The following ZNF385D variants were observed in gnomAD, a reference collection of about 807,000 sequenced individuals.
The protein encoded by ZNF385D is zinc finger protein 385D.
A neutral mutation model predicts 35.8 loss-of-function variants in ZNF385D; 15 were observed. That is an observed-to-expected ratio of 0.42 (90% CI 0.28 to 0.64). ZNF385D has a LOEUF of 0.64. Ranked by LOEUF, ZNF385D falls within the 30% of genes least tolerant of loss-of-function variation. ZNF385D has a pLI of 0.23. For missense variants in ZNF385D, 474 were observed against 494.6 expected (o/e 0.96, Z 0.39); for synonymous variants, 212 against 186.8 (o/e 1.13, Z -1.10).
intron 2 of ZNF385D, among the ~76,000 whole-genome samples, chr3:21,609,892 G>C (rs2064614067): frequency 6.6e-6 from 1 of 152,172 alleles, no homozygotes; most frequent in Non-Finnish European, 1.5e-5. Context: ...GGAAAAGAGA[G>C]TCCTGATGGG....
chr3:21,603,204 C>G (rs1179130567), intron 2 of ZNF385D, among the ~76,000 whole-genome samples: 1 of 152,174 alleles, frequency 6.6e-6, no homozygotes, highest in Non-Finnish European at 1.5e-5. Flanking sequence ...TGTGATTTAA[C>G]TAGGCTATTA....
intron 3 of ZNF385D, among the ~76,000 whole-genome samples, chr3:22,138,067 T>C (rs927418238): frequency 2.0e-5 from 3 of 152,142 alleles, no homozygotes; most frequent in Admixed American, 6.6e-5. Context: ...CCATTCACAG[T>C]TGCTTCAAAG....
chr3:22,273,726 A>G (rs905987993), intron 2 of ZNF385D, among the ~76,000 whole-genome samples: 2 of 152,082 alleles, frequency 1.3e-5, no homozygotes, highest in African/African-American at 4.8e-5. Context: ...AAACAGACAT[A>G]TTTACAGATC....
At chr3:22,107,500 A>G (rs929243016) in intron 3 of ZNF385D, among the ~76,000 whole-genome samples, 18 of 152,126 alleles carry the variant, frequency 1.2e-4, no homozygotes, top group African/African-American at 4.3e-4. Context: ...AGATTTTCTG[A>G]TATAAAATAG....
chr3:21,610,793 A>G (rs1261368159), intron 2 of ZNF385D, among the ~76,000 whole-genome samples: 1 of 151,782 alleles, frequency 6.6e-6, no homozygotes, highest in Non-Finnish European at 1.5e-5. Flanking sequence ...AAAAAAAACA[A>G]TAGTCATGTG....
intron 3 of ZNF385D, among the ~76,000 whole-genome samples, chr3:21,514,137 T>C (rs1707410462): frequency 6.6e-6 from 1 of 152,176 alleles, no homozygotes; most frequent in Admixed American, 6.5e-5. Flanking sequence ...GTAGGACAGT[T>C]ATACCATATA....
intron 2 of ZNF385D, among the ~76,000 whole-genome samples, chr3:21,648,921 T>G (rs750541442): frequency 6.6e-6 from 1 of 152,202 alleles, no homozygotes; most frequent in Non-Finnish European, 1.5e-5. Flanking sequence ...AGTAGTATTA[T>G]CTCCATTTTA....
Position 22,210,496 on chromosome 3 carries a change from C to T in ZNF385D, c.107-41461G>A, listed in dbSNP as rs114023907. 5.1e-3 allele frequency among the ~76,000 whole-genome samples: 773 copies of T among 151,772 alleles called. 10 individuals carry two copies. The highest frequency in any genetic ancestry group is 0.016 in the African/African-American group (680 of 41,442). On this transcript the variant is annotated intron_variant, in intron 2 of 5. Transcript: ENST00000494108. Reference sequence around the variant, plus strand: ...TCCATACAGCTGAAAGAAAACAAAACGTGTATCTGAAAATACCATGCCAAG... The same window carrying T: ...TCCATACAGCTGAAAGAAAACAAAATGTGTATCTGAAAATACCATGCCAAG...
intron 2 of ZNF385D, among the ~76,000 whole-genome samples, chr3:22,302,018 C>T (rs1490278626): frequency 6.6e-6 from 1 of 151,926 alleles, no homozygotes; most frequent in Non-Finnish European, 1.5e-5. Context: ...TTCCTATTTA[C>T]TGACATTTAT....
intron 3 of ZNF385D, among the ~76,000 whole-genome samples, chr3:22,131,222 C>T (rs115982583): frequency 0.018 from 2,798 of 152,096 alleles, 34 homozygotes; most frequent in Non-Finnish European, 0.026. Context: ...AAGACAGAGA[C>T]GATGTGGTCA....
At chr3:22,123,922 A>ATCTCTCTCTCTCTCTC (rs34781505) in intron 3 of ZNF385D, among the ~76,000 whole-genome samples, 14 of 80,280 alleles carry the variant, frequency 1.7e-4, no homozygotes, top group Non-Finnish European at 2.8e-4. Context: ...GCTAGACTCC[A>ATCTCTCTCTCTCTCTC]TCTCTCTCTC....
chr3:21,828,052 C>A (rs1284914190), intron 3 of ZNF385D, among the ~76,000 whole-genome samples: 3 of 152,142 alleles, frequency 2.0e-5, no homozygotes, highest in Non-Finnish European at 2.9e-5. Context: ...CCTCCCTGCC[C>A]TGTACTTACA....
chr3:21,637,984 A>T (rs1033010354), intron 2 of ZNF385D, among the ~76,000 whole-genome samples: 2 of 152,200 alleles, frequency 1.3e-5, no homozygotes, highest in African/African-American at 4.8e-5. Flanking sequence ...CTGTTATTGA[A>T]CATATCTTCC....
At chr3:21,974,132 T>A (rs1321763217) in intron 3 of ZNF385D, among the ~76,000 whole-genome samples, 1 of 151,746 alleles carries the variant, frequency 6.6e-6, no homozygotes, top group Non-Finnish European at 1.5e-5. Flanking sequence ...GAGCAAAAAT[T>A]TGAACAAAAC....
upstream of ZNF385D, among the ~76,000 whole-genome samples, chr3:21,753,557 C>T (rs1048547982): frequency 6.6e-6 from 1 of 152,054 alleles, no homozygotes; most frequent in Non-Finnish European, 1.5e-5. Context: ...TCTGTTCAAA[C>T]AGAAAAGGAA....
intron 2 of ZNF385D, among the ~76,000 whole-genome samples, chr3:22,236,838 T>C (rs886593365): frequency 6.6e-6 from 1 of 152,184 alleles, no homozygotes; most frequent in Non-Finnish European, 1.5e-5. Flanking sequence ...TTCTTGGACT[T>C]AGTGAATGTA....
intron 2 of ZNF385D, among the ~76,000 whole-genome samples, chr3:22,208,460 T>C (rs1697299849): frequency 6.7e-6 from 1 of 150,190 alleles, no homozygotes; most frequent in Non-Finnish European, 1.5e-5. Context: ...GGTGGGTAGA[T>C]GGGTGGGGGG....
chr3:22,042,235 AT>A (rs1469399132), intron 3 of ZNF385D, among the ~76,000 whole-genome samples: 2 of 152,098 alleles, frequency 1.3e-5, no homozygotes, highest in African/African-American at 4.8e-5. Context: ...TCATTTCTTA[AT>A]CTGCAAAATG....
chr3:21,540,291 T>C (rs938670268), intron 3 of ZNF385D, among the ~76,000 whole-genome samples: 4 of 152,188 alleles, frequency 2.6e-5, no homozygotes, highest in African/African-American at 9.7e-5. Flanking sequence ...AGAGAGAAGA[T>C]AGAGTCAAAG....
Sources: gnomAD v4.1 joint callset for allele counts (sites outside exome capture counted in the v4.1 genomes callset) on GRCh38, gnomAD v4.1.1 for gene constraint, MANE v1.5 for transcripts, NCBI Gene and HGNC (gene_info 2026-07-23, HGNC 2026-07-21) for gene names.